Variants in DCDC1 observed in about 807,000 individuals in gnomAD.
DCDC1 encodes doublecortin domain-containing protein 1.
Under a neutral mutation model 178.3 loss-of-function variants are expected in DCDC1, and 200 were observed. The observed-to-expected ratio is 1.12, with a 90% CI of 1.00 to 1.26. The LOEUF (loss-of-function observed/expected upper bound fraction) is 1.26. Among genes scored for constraint, DCDC1 ranks in the 50% most tolerant of loss-of-function variants. DCDC1 has a pLI of 0.00. For missense variants in DCDC1, 1,983 were observed against 1,749.2 expected, an observed-to-expected ratio of 1.13 and a Z score of -2.38; for synonymous variants, 690 against 604.8, an observed-to-expected ratio of 1.14 and a Z score of -2.07.
intron 11 of DCDC1, among the ~76,000 whole-genome samples, chr11:31,119,905 T>A (rs561465618): frequency 2.6e-5 from 4 of 152,318 alleles, no homozygotes; most frequent in South Asian, 4.1e-4. Context: ...TGCTAATCTG[T>A]TCATAGTGTT....
At chr11:31,292,681 T>G (rs967302362) in intron 6 of DCDC1, among the ~76,000 whole-genome samples, 2 of 152,116 alleles carry the variant, frequency 1.3e-5, no homozygotes, top group Non-Finnish European at 2.9e-5. Flanking sequence ...ATTTTGGAAC[T>G]AGATAGAGAT....
chr11:30,941,411 G>A (rs1009064741), intron 21 of DCDC1, among the ~76,000 whole-genome samples: 15 of 151,984 alleles, frequency 9.9e-5, no homozygotes, highest in Non-Finnish European at 1.9e-4. Context: ...CTTCTCCCCT[G>A]CTGCCCTCTC....
chr11:31,106,714 T>C, intron 13 of DCDC1, 83 bp downstream of exon 13: 2 of 726,454 alleles, frequency 2.8e-6, no homozygotes. Context: ...TCATGAAGGG[T>C]GCTACTTGAC....
At chr11:30,878,998 CAGAA>C (rs1185514684) in intron 37 of DCDC1, among the ~76,000 whole-genome samples, 13 of 152,202 alleles carry the variant, frequency 8.5e-5, no homozygotes, top group Middle Eastern at 6.8e-3. Flanking sequence ...ACTGAAAAGA[CAGAA>C]AGCAGCAGTG....
chr11:31,268,843 T>G (rs544965272), intron 7 of DCDC1, among the ~76,000 whole-genome samples: 5 of 152,320 alleles, frequency 3.3e-5, no homozygotes, highest in African/African-American at 1.2e-4. Flanking sequence ...CAACAGTGTA[T>G]AAGCGTTCCT....
intron 7 of DCDC1, among the ~76,000 whole-genome samples, chr11:31,277,828 C>A (rs1035646910): frequency 8.6e-5 from 13 of 151,938 alleles, no homozygotes; most frequent in Non-Finnish European, 1.5e-4. Context: ...TTGTTAAGTA[C>A]GTGTTTTCTG....
chr11:30,986,685 G>T (rs550340868), intron 20 of DCDC1, among the ~76,000 whole-genome samples: 1 of 152,178 alleles, frequency 6.6e-6, no homozygotes, highest in East Asian at 1.9e-4. Flanking sequence ...GGAGACTGGG[G>T]TGTTAAGTAT....
chr11:31,056,277 G>T (rs1357200719), intron 20 of DCDC1, among the ~76,000 whole-genome samples: 2 of 151,918 alleles, frequency 1.3e-5, no homozygotes, highest in Non-Finnish European at 2.9e-5. Flanking sequence ...GACCAAAAAA[G>T]AGAGAAAACA....
rs1952618128 is a variant in DCDC1 at position 31,018,195 on chromosome 11, T to TA, written c.2591+46273dup. ...AATTATGTAAGAATTTAGTTAATAT[T>TA]AGGTTAACAAATGTTTAATGGCGTT... is the stretch of plus-strand genomic sequence containing the variant. On this transcript the variant is annotated intron_variant, in intron 20 of 38. Coordinates refer to ENST00000684477, the MANE Select transcript of DCDC1 (RefSeq NM_001387274.1). Among the ~76,000 whole-genome samples the TA allele has an allele frequency of 1.3e-5, 2 of 152,210 alleles. 1 individual carries two copies. Among genetic ancestry groups the TA allele is most frequent in the Admixed American group, 1.3e-4 (2 of 15,274 alleles).
At chr11:30,959,873 A>G (rs1463392013) in intron 20 of DCDC1, among the ~76,000 whole-genome samples, 5 of 152,084 alleles carry the variant, frequency 3.3e-5, no homozygotes, top group African/African-American at 1.2e-4. Context: ...CTATGGCCAA[A>G]TCCATCACAC....
At chr11:31,337,930 C>A (rs1041296932) in intron 1 of DCDC1, among the ~76,000 whole-genome samples, 1 of 152,100 alleles carries the variant, frequency 6.6e-6, no homozygotes, top group African/African-American at 2.4e-5. Context: ...ACTGAAGAAA[C>A]CACAAAGCTG....
At chr11:31,030,741 T>C (rs760042183) in intron 20 of DCDC1, among the ~76,000 whole-genome samples, 5 of 152,142 alleles carry the variant, frequency 3.3e-5, no homozygotes, top group Non-Finnish European at 5.9e-5. Flanking sequence ...GATCAATTCA[T>C]AGGATTTAGA....
intron 20 of DCDC1, among the ~76,000 whole-genome samples, chr11:31,056,379 G>A (rs187965065): frequency 1.3e-5 from 2 of 151,890 alleles, no homozygotes; most frequent in East Asian, 3.9e-4. Context: ...TGGAATAGAT[G>A]GACTAAATAT....
intron 9 of DCDC1, among the ~76,000 whole-genome samples, chr11:31,158,131 C>CG (rs1429148099): frequency 1.3e-5 from 2 of 151,770 alleles, no homozygotes; most frequent in Admixed American, 6.6e-5. Flanking sequence ...GTTTTTGAGA[C>CG]GGAGTCTCGC....
intron 38 of DCDC1, among the ~76,000 whole-genome samples, chr11:30,873,364 T>TATATATATAGAG (rs1228106379): frequency 1.5e-5 from 2 of 137,086 alleles, no homozygotes; most frequent in African/African-American, 5.5e-5. Flanking sequence ...TATATATATA[T>TATATATATAGAG]AGAGAGAGAG....
intron 20 of DCDC1, among the ~76,000 whole-genome samples, chr11:31,001,774 C>G (rs1255813344): frequency 6.6e-6 from 1 of 152,154 alleles, no homozygotes; most frequent in East Asian, 1.9e-4. Context: ...CCTATCTTCC[C>G]CTTTAAAAGA....
chr11:30,888,065 AGAGAGAGAGAGAG>A (rs1943363488), intron 36 of DCDC1, among the ~76,000 whole-genome samples: 2 of 91,946 alleles, frequency 2.2e-5, no homozygotes, highest in African/African-American at 9.0e-5. Context: ...AAAGAAAGAG[AGAGAGAGAGAGAG>A]AGAGAGAAAG....
At chr11:30,882,372 T>TC (rs1942763488) in intron 36 of DCDC1, 1 of 152,098 alleles carries the variant, frequency 6.6e-6, no homozygotes, top group Non-Finnish European at 1.5e-5. Flanking sequence ...AAAAATATAT[T>TC]CCCCTCTATA....
At chr11:31,123,192 T>A (rs1961063479) in intron 11 of DCDC1, among the ~76,000 whole-genome samples, 1 of 152,090 alleles carries the variant, frequency 6.6e-6, no homozygotes, top group Non-Finnish European at 1.5e-5. Flanking sequence ...TTCTATTTTA[T>A]AAATACTCTG....
Sources: allele counts gnomAD v4.1 joint callset (sites outside exome capture counted in the v4.1 genomes callset), GRCh38; gene constraint gnomAD v4.1.1; transcripts MANE v1.5; gene names NCBI Gene and HGNC (gene_info 2026-07-23, HGNC 2026-07-21).